The following GRIN2A variants were observed in gnomAD, a reference collection of about 807,000 sequenced individuals.
GRIN2A encodes the protein glutamate receptor ionotropic, NMDA 2A.
A neutral mutation model predicts 113.4 loss-of-function variants in GRIN2A; 22 were observed. That is an observed-to-expected ratio of 0.19 (90% CI 0.14 to 0.28). GRIN2A has a LOEUF of 0.28. Among genes scored for constraint, GRIN2A ranks in the 10% least tolerant of loss-of-function variants. The pLI, the probability that GRIN2A is intolerant of heterozygous loss-of-function variation, is 1.00. For synonymous variants in GRIN2A, 827 were observed against 738.4 expected, an observed-to-expected ratio of 1.12 and a Z score of -1.94; for missense variants, 1,502 against 1,887.0, an observed-to-expected ratio of 0.80 and a Z score of 3.78.
chr16:9,955,117 A>G (rs1205581276), intron 2 of GRIN2A, among the ~76,000 whole-genome samples: 2 of 152,180 alleles, frequency 1.3e-5, no homozygotes, highest in African/African-American at 4.8e-5. Context: ...CACTCTCTCA[A>G]CAGCCTGAGC....
At chr16:9,809,674 C>T (rs544458947) in intron 10 of GRIN2A, among the ~76,000 whole-genome samples, 16 of 152,176 alleles carry the variant, frequency 1.1e-4, no homozygotes, top group Admixed American at 3.9e-4. Flanking sequence ...ACTGTGCCTG[C>T]GTCATGACTT....
chr16:9,979,192 G>A (rs1382761998), intron 2 of GRIN2A, among the ~76,000 whole-genome samples: 1 of 152,106 alleles, frequency 6.6e-6, no homozygotes, highest in Non-Finnish European at 1.5e-5. Context: ...GAAGATTCAA[G>A]CTCTCATTCT....
At chr16:9,879,039 T>G (rs1455503931) in intron 4 of GRIN2A, among the ~76,000 whole-genome samples, 1 of 152,184 alleles carries the variant, frequency 6.6e-6, no homozygotes, top group Non-Finnish European at 1.5e-5. Flanking sequence ...TCTAGGGAAG[T>G]CAGATGATTA....
chr16:10,049,716 T>C (rs1361063173), intron 2 of GRIN2A, among the ~76,000 whole-genome samples: 1 of 152,214 alleles, frequency 6.6e-6, no homozygotes, highest in Non-Finnish European at 1.5e-5. Context: ...TCTTCCCTCC[T>C]GATTTTTTTC....
At chr16:10,000,924 G>A (rs1174510669) in intron 2 of GRIN2A, among the ~76,000 whole-genome samples, 1 of 152,086 alleles carries the variant, frequency 6.6e-6, no homozygotes, top group Non-Finnish European at 1.5e-5. Context: ...CTCCTCCTGG[G>A]CCCAGGAAGT....
chr16:9,958,462 A>G (rs1157436176), intron 2 of GRIN2A, among the ~76,000 whole-genome samples: 2 of 152,030 alleles, frequency 1.3e-5, no homozygotes, highest in African/African-American at 4.8e-5. Flanking sequence ...CCCCACTTCC[A>G]TATCTTTAGC....
At chr16:9,895,534 T>G (rs2043788775) in intron 3 of GRIN2A, among the ~76,000 whole-genome samples, 1 of 152,142 alleles carries the variant, frequency 6.6e-6, no homozygotes, top group Non-Finnish European at 1.5e-5. Flanking sequence ...TGCAAGTTTG[T>G]AAGAGGCAGA....
rs1418174874 is a variant in GRIN2A, at chr16:9,753,655, CAT to C, written c.*9492_*9493del. The C allele has an allele frequency of 7.7e-5, 15 of 195,586 alleles. No homozygotes were observed. Among genetic ancestry groups the C allele is most frequent in the East Asian group, 2.4e-4 (3 of 12,496 alleles). 12.1% of individuals were successfully genotyped at this position (195,586 alleles called of 1,614,324 possible). On this transcript the variant is annotated 3_prime_UTR_variant, in exon 13 of 13. Transcript: ENST00000330684. ...CTATCATAGAAAGGTGTTAAGCAAA[CAT>C]ATAATTTTGTAGCTATGCTTGGAAA...
intron 2 of GRIN2A, chr16:10,031,455 T>A (rs1262734320): frequency 2.0e-5 from 3 of 152,338 alleles, no homozygotes; most frequent in African/African-American, 7.2e-5. Flanking sequence ...CCACATTCAT[T>A]CACTTGCTTG....
intron 2 of GRIN2A, among the ~76,000 whole-genome samples, chr16:10,046,409 A>G (rs967199455): frequency 6.6e-6 from 1 of 151,898 alleles, no homozygotes; most frequent in Non-Finnish European, 1.5e-5. Flanking sequence ...ACTCTTCACT[A>G]CATAATAAAT....
intron 2 of GRIN2A, among the ~76,000 whole-genome samples, chr16:10,117,341 T>C (rs950652365): frequency 2.6e-5 from 4 of 152,154 alleles, no homozygotes; most frequent in Non-Finnish European, 5.9e-5. Flanking sequence ...AGAGATGAAA[T>C]GATAGGATGT....
intron 2 of GRIN2A, among the ~76,000 whole-genome samples, chr16:10,064,656 C>G (rs748740224): frequency 6.6e-6 from 1 of 152,188 alleles, no homozygotes; most frequent in South Asian, 2.1e-4. Context: ...TAAAACATAT[C>G]AAGAGATGTC....
chr16:10,028,647 T>C (rs1355039518), intron 2 of GRIN2A, among the ~76,000 whole-genome samples: 1 of 152,208 alleles, frequency 6.6e-6, no homozygotes. Context: ...ACCCCAGGAA[T>C]ACCCACCATT....
intron 2 of GRIN2A, among the ~76,000 whole-genome samples, chr16:10,026,639 G>A (rs1235645001): frequency 6.6e-6 from 1 of 152,094 alleles, no homozygotes; most frequent in African/African-American, 2.4e-5. Flanking sequence ...CAGTCAAGCT[G>A]GGGGGCACTG....
chr16:9,864,971 G>A (rs963951151), intron 4 of GRIN2A, among the ~76,000 whole-genome samples: 5 of 152,160 alleles, frequency 3.3e-5, no homozygotes, highest in East Asian at 3.9e-4. Flanking sequence ...GAAATGCATC[G>A]TTATGATGAA....
chr16:10,125,247 C>T (rs58711233), intron 2 of GRIN2A, among the ~76,000 whole-genome samples: 12,090 of 152,244 alleles, frequency 0.079, 534 homozygotes, highest in Admixed American at 0.11. Flanking sequence ...ACTAGAGATT[C>T]AAGGTCTTTG....
intron 2 of GRIN2A, among the ~76,000 whole-genome samples, chr16:9,964,723 G>A (rs535531790): frequency 1.3e-4 from 20 of 152,172 alleles, no homozygotes; most frequent in African/African-American, 3.1e-4. Context: ...TCCACATCCT[G>A]GAAAAGCTCT....
rs77580194 is a variant in GRIN2A, at chr16:9,760,225, T to A, written c.*2924A>T. The A allele has an allele frequency of 4.4e-6, 1 of 227,686 alleles. No homozygotes were observed. The highest frequency in any genetic ancestry group is 2.2e-5 in the African/African-American group (1 of 45,054). The allele number at this position is 227,686 out of a possible 1,614,324, so 14.1% of individuals were successfully genotyped here. A position where few individuals can be genotyped will look rare whatever the true frequency, so the allele number is the denominator to read the frequency against. On this transcript the variant is annotated 3_prime_UTR_variant, in exon 13 of 13. Coordinates refer to ENST00000330684, the MANE Select transcript of GRIN2A (RefSeq NM_001134407.3). ...GTCTCAGGCTTCCAGGCTTCCTATT[T>A]AATTCTTGTTACTTCTCATACTGTG...
chr16:10,032,761 A>G (rs2046952819), intron 2 of GRIN2A, among the ~76,000 whole-genome samples: 1 of 152,178 alleles, frequency 6.6e-6, no homozygotes, highest in East Asian at 1.9e-4. Context: ...ACACCAAACA[A>G]CAAATGGGGA....
Sources: gnomAD v4.1 joint callset for allele counts (sites outside exome capture counted in the v4.1 genomes callset) on GRCh38, gnomAD v4.1.1 for gene constraint, MANE v1.5 for transcripts, NCBI Gene and HGNC (gene_info 2026-07-23, HGNC 2026-07-21) for gene names.